Variants in GET1 observed in about 807,000 individuals in gnomAD.
The protein encoded by GET1 is congenital heart disease 5 protein.
Under a neutral mutation model 22.6 loss-of-function variants are expected in GET1, and 20 were observed. That is an observed-to-expected ratio of 0.89 (90% CI 0.62 to 1.29). GET1 has a LOEUF of 1.29. Among genes scored for constraint, GET1 ranks in the 50% most tolerant of loss-of-function variants. The probability of loss-of-function intolerance (pLI) is 0.00; values close to 1 mark genes in which losing one functional copy is unlikely to be tolerated. For missense variants in GET1, 209 were observed against 219.9 expected, an observed-to-expected ratio of 0.95 and a Z score of 0.31; for synonymous variants, 92 against 83.8, an observed-to-expected ratio of 1.10 and a Z score of -0.53.
downstream of GET1, chr21:39,410,107 GA>G (rs755474133): frequency 6.4e-7 from 1 of 1,568,576 alleles, no homozygotes; most frequent in South Asian, 1.1e-5. Context: ...CTGTAATTTA[GA>G]AAAGCAGCAA....
chr21:39,404,472 G>C (rs909267006), intron 4 of GET1, among the ~76,000 whole-genome samples: 26 of 152,276 alleles, frequency 1.7e-4, no homozygotes, highest in African/African-American at 6.0e-4. Context: ...GGCTGGGCAC[G>C]GTGGCTCACG....
At chr21:39,414,622 T>G (rs1476684351) in intron 1 of GET1, among the ~76,000 whole-genome samples, 1 of 152,104 alleles carries the variant, frequency 6.6e-6, no homozygotes. Context: ...TGCCTAGGAC[T>G]GCCCTGACAA....
chr21:39,412,039 C>T (rs909330029), intron 1 of GET1, among the ~76,000 whole-genome samples: 5 of 152,206 alleles, frequency 3.3e-5, no homozygotes, highest in Non-Finnish European at 7.3e-5. Context: ...CCTTGCAGGT[C>T]AGCTTGTCCA....
intron 4 of GET1, among the ~76,000 whole-genome samples, chr21:39,396,013 T>A (rs1458392398): frequency 6.6e-6 from 1 of 152,224 alleles, no homozygotes; most frequent in East Asian, 1.9e-4. Flanking sequence ...TGCACATCTC[T>A]CTGGCAGGAA....
chr21:39,419,162 T>A (rs2147539851), intron 1 of GET1, among the ~76,000 whole-genome samples: 1 of 152,210 alleles, frequency 6.6e-6, no homozygotes, highest in South Asian at 2.1e-4. Flanking sequence ...CACCCCCCAC[T>A]ATTCTTCTCC....
At chr21:39,400,179 T>TGC (rs759104661), downstream of GET1, among the ~76,000 whole-genome samples, 43 of 148,522 alleles carry the variant, frequency 2.9e-4, no homozygotes, top group Non-Finnish European at 5.5e-4. Context: ...TGTGTGTGTG[T>TGC]GCACGCGCAC....
intron 4 of GET1, 28 bp downstream of exon 4, chr21:39,393,308 A>G: frequency 6.4e-7 from 1 of 1,555,008 alleles, no homozygotes; most frequent in Non-Finnish European, 8.9e-7. Context: ...GATGCAGTGG[A>G]AGAGTGTGAA....
intron 4 of GET1, among the ~76,000 whole-genome samples, chr21:39,395,368 ATT>A (rs34180324): frequency 8.6e-4 from 126 of 146,838 alleles, no homozygotes; most frequent in Admixed American, 9.5e-4. Flanking sequence ...AGGAATGACT[ATT>A]TTTTTTTTTT....
At chr21:39,392,866 T>TCTCGG in intron 3 of GET1, 1 of 301,654 alleles carries the variant, frequency 3.3e-6, no homozygotes, top group South Asian at 7.0e-5. Context: ...TATGTGTAGA[T>TCTCGG]TGTGTTCATC....
chr21:39,392,162 G>C (rs957017413), intron 3 of GET1: 3 of 252,648 alleles, frequency 1.2e-5, no homozygotes, highest in African/African-American at 2.3e-5. Flanking sequence ...GATGACATCA[G>C]TTTTTTCTGA....
chr21:39,413,985 G>C (rs1389950217), intron 1 of GET1: 1 of 152,272 alleles, frequency 6.6e-6, no homozygotes, highest in Non-Finnish European at 1.5e-5. Flanking sequence ...TCCTCCTTGC[G>C]GCTTGGAGCA....
At chr21:39,391,698 T>C in intron 2 of GET1, 71 bp from the exon 3 acceptor site, 1 of 1,398,194 alleles carries the variant, frequency 7.2e-7, no homozygotes, top group Admixed American at 1.7e-5. Flanking sequence ...GAAAATAACA[T>C]TTCTGTGTAT....
intron 3 of GET1, 158 bp downstream of exon 3, chr21:39,391,994 T>C (rs2038331409): frequency 3.1e-6 from 2 of 638,114 alleles, no homozygotes; most frequent in Non-Finnish European, 5.5e-6. Flanking sequence ...TCTCGGTCTC[T>C]AAGTCAGACT....
At chr21:39,414,713 CCTCTCTCTCTCTCTCT>C (rs147915021) in intron 1 of GET1, among the ~76,000 whole-genome samples, 1 of 119,958 alleles carries the variant, frequency 8.3e-6, no homozygotes, top group South Asian at 3.1e-4. Flanking sequence ...TGGTTCTCTC[CCTCTCTCTCTCTCTCT>C]CTCTCTCTCT....
intron 3 of GET1, chr21:39,392,075 G>A: frequency 2.0e-6 from 1 of 493,540 alleles, no homozygotes; most frequent in Non-Finnish European, 3.6e-6. Flanking sequence ...TGTGAAGTAA[G>A]TTCTCGGAGA....
intron 4 of GET1, among the ~76,000 whole-genome samples, chr21:39,404,413 T>C (rs139285816): frequency 1.3e-5 from 2 of 152,218 alleles, no homozygotes; most frequent in African/African-American, 2.4e-5. Context: ...AGGCAGGACA[T>C]TGGATACCCA....
At chr21:39,406,939 A>C (rs1329795685), downstream of GET1, among the ~76,000 whole-genome samples, 1 of 151,018 alleles carries the variant, frequency 6.6e-6, no homozygotes, top group Non-Finnish European at 1.5e-5. Flanking sequence ...CAGTTGAAAC[A>C]ATGATGGCTG....
intron 1 of GET1, among the ~76,000 whole-genome samples, chr21:39,412,256 A>G (rs1454465943): frequency 6.6e-6 from 1 of 152,198 alleles, no homozygotes; most frequent in Non-Finnish European, 1.5e-5. Flanking sequence ...GCACAGGTGA[A>G]CATTTCCACC....
intron 4 of GET1, among the ~76,000 whole-genome samples, chr21:39,393,647 C>G (rs2146985243): frequency 6.6e-6 from 1 of 152,138 alleles, no homozygotes; most frequent in African/African-American, 2.4e-5. Flanking sequence ...CCTGGCTATT[C>G]TTTTATTTTT....
Sources: allele counts gnomAD v4.1 joint callset (sites outside exome capture counted in the v4.1 genomes callset), GRCh38; gene constraint gnomAD v4.1.1; transcripts MANE v1.5; gene names NCBI Gene and HGNC (gene_info 2026-07-23, HGNC 2026-07-21).